Variants in CCDC57 observed in about 807,000 individuals in gnomAD.
CCDC57 encodes the protein coiled-coil domain-containing protein 57.
A neutral mutation model predicts 118.9 loss-of-function variants in CCDC57; 118 were observed. That is an observed-to-expected ratio of 0.99 (90% CI 0.86 to 1.16). The LOEUF is 1.16. CCDC57 is among the 50% of genes most tolerant of loss of function. The probability of loss-of-function intolerance (pLI) is 0.00; values close to 1 mark genes in which losing one functional copy is unlikely to be tolerated. For synonymous variants in CCDC57, 527 were observed against 532.9 expected, an observed-to-expected ratio of 0.99 and a Z score of 0.15; for missense variants, 1,300 against 1,320.7, an observed-to-expected ratio of 0.98 and a Z score of 0.24.
chr17:82,145,980 T>C (rs2040685130), intron 16 of CCDC57: 2 of 304,758 alleles, frequency 6.6e-6, no homozygotes, highest in South Asian at 4.9e-5. Flanking sequence ...ACAGGCTCTA[T>C]GCCTGAAAGC....
intron 16 of CCDC57, among the ~76,000 whole-genome samples, chr17:82,136,101 C>T (rs147477519): frequency 6.6e-6 from 1 of 152,150 alleles, no homozygotes; most frequent in African/African-American, 2.4e-5. Context: ...CCCACATGAC[C>T]CAGCAAGGCC....
At chr17:82,138,562 A>G (rs2039579326) in intron 16 of CCDC57, among the ~76,000 whole-genome samples, 1 of 151,760 alleles carries the variant, frequency 6.6e-6, no homozygotes, top group Admixed American at 6.6e-5. Context: ...AGTAAAAAGA[A>G]AAAAGATGTT....
intron 9 of CCDC57, among the ~76,000 whole-genome samples, chr17:82,179,396 G>T (rs2146406391): frequency 6.6e-6 from 1 of 152,364 alleles, no homozygotes; most frequent in African/African-American, 2.4e-5. Context: ...ATGCCCAGAT[G>T]CCGGAGAAAA....
chr17:82,193,966 T>G lies in CCDC57; in HGVS notation c.776+16A>C, dbSNP rs754612048. On this transcript the variant is annotated intron_variant, in intron 6 of 19. Transcript: ENST00000665763. ...CTGCCACAGAGCACGCCTCGGGAGATGAAGGACTCGCGCACCGGGCGCGGC... is the reference window on the plus strand; with the variant it reads ...CTGCCACAGAGCACGCCTCGGGAGAGGAAGGACTCGCGCACCGGGCGCGGC... 1.2e-6 allele frequency: 2 copies of G among 1,601,416 alleles called. No individual in the cohort carries two copies. The highest frequency in any genetic ancestry group is 1.7e-6 in the Non-Finnish European group (2 of 1,173,590).
chr17:82,199,763 G>A (rs1201221764), intron 3 of CCDC57, among the ~76,000 whole-genome samples: 1 of 152,128 alleles, frequency 6.6e-6, no homozygotes, highest in Non-Finnish European at 1.5e-5. Context: ...GGGGACGGGA[G>A]CTTCCAGACA....
intron 13 of CCDC57, 135 bp downstream of exon 12, chr17:82,171,566 G>T (rs2044740929): frequency 2.3e-6 from 2 of 856,938 alleles, no homozygotes; most frequent in Non-Finnish European, 3.5e-6. Flanking sequence ...AGCACAAGGG[G>T]CTGCTGGGCT....
At chr17:82,128,340 C>A (rs1005473163) in intron 18 of CCDC57, among the ~76,000 whole-genome samples, 153 bp downstream of exon 17, 2 of 152,188 alleles carry the variant, frequency 1.3e-5, no homozygotes, top group African/African-American at 4.8e-5. Flanking sequence ...CGCTCTGCAG[C>A]TCACCCTGCC....
intron 16 of CCDC57, among the ~76,000 whole-genome samples, chr17:82,145,049 G>A (rs1423698039): frequency 4.4e-5 from 6 of 135,172 alleles, no homozygotes; most frequent in Admixed American, 2.4e-4. Context: ...TTGAGACAGA[G>A]TCTCGCTCTG....
At chr17:82,186,759 T>A (rs1399708303) in intron 8 of CCDC57, among the ~76,000 whole-genome samples, 1 of 151,746 alleles carries the variant, frequency 6.6e-6, no homozygotes, top group Non-Finnish European at 1.5e-5. Context: ...TTAGGCAACA[T>A]GGAGAAACCT....
chr17:82,173,538 A>T (rs552973678), intron 11 of CCDC57, among the ~76,000 whole-genome samples: 1 of 152,204 alleles, frequency 6.6e-6, no homozygotes, highest in Non-Finnish European at 1.5e-5. Context: ...ACAAGGCCAG[A>T]CATGTTACAA....
intron 3 of CCDC57, among the ~76,000 whole-genome samples, chr17:82,199,302 AC>A (rs1417014881): frequency 6.6e-6 from 1 of 151,384 alleles, no homozygotes; most frequent in Non-Finnish European, 1.5e-5. Context: ...ACATGGTGAA[AC>A]CCCATCTCCA....
chr17:82,120,685 T>C (rs1212723165), intron 19 of CCDC57, among the ~76,000 whole-genome samples: 13 of 152,212 alleles, frequency 8.5e-5, no homozygotes. Context: ...CATGAACCAC[T>C]TTAGTCTTTT....
intron 19 of CCDC57, among the ~76,000 whole-genome samples, chr17:82,119,009 T>C (rs1385939386): frequency 6.7e-6 from 1 of 149,200 alleles, no homozygotes; most frequent in Non-Finnish European, 1.5e-5. Flanking sequence ...ACCCTGCCAA[T>C]TGCTGAATGG....
rs1391960343 is a variant in CCDC57, at chr17:82,198,305, A to G, written c.516+9T>C. On this transcript the variant is annotated intron_variant, in intron 4 of 19. Coordinates refer to ENST00000665763, the Ensembl canonical transcript of CCDC57. ...AGCACCCAGGAAGGGGCCGACCCAG[A>G]GGCTCTACCTGTCTCTGCAGAGCAA... The G allele has an allele frequency of 6.3e-7, 1 of 1,580,194 alleles. No individual in the cohort carries two copies. Among genetic ancestry groups the G allele is most frequent in the African/African-American group, 1.4e-5 (1 of 73,828 alleles).
intron 11 of CCDC57, among the ~76,000 whole-genome samples, chr17:82,176,120 C>T (rs1022125002): frequency 2.0e-5 from 3 of 152,146 alleles, no homozygotes; most frequent in Non-Finnish European, 4.4e-5. Flanking sequence ...CTTTGGAACA[C>T]CAAGCTCTGT....
In CCDC57 at chr17:82,172,962, C is replaced by A; in HGVS notation, c.1507-102G>T. ...CTCCCCGCGCCCCTCTCGGGCCGGT[C>A]CCCCGCTTCAGCTTGGGCTGTGGTC... On this transcript the variant is annotated intron_variant, in intron 11 of 19. Transcript: ENST00000665763. The surrounding 1 kb of genome is among the most constrained non-coding windows in gnomAD (Gnocchi z 5.2). 1.9e-6 allele frequency: 2 copies of A among 1,034,666 alleles called. No homozygotes were observed. Among genetic ancestry groups the A allele is most frequent in the East Asian group, 2.6e-5 (1 of 38,694 alleles). The allele number at this position is 1,034,666 out of a possible 1,614,324, so 64.1% of individuals were successfully genotyped here.
At chr17:82,201,239 T>C (rs1023128408) in intron 3 of CCDC57, among the ~76,000 whole-genome samples, 1 of 152,276 alleles carries the variant, frequency 6.6e-6, no homozygotes, top group Non-Finnish European at 1.5e-5. Context: ...TATAGATTTA[T>C]AATTAATGAA....
intron 13 of CCDC57, among the ~76,000 whole-genome samples, chr17:82,171,124 G>A (rs541192515): frequency 2.7e-5 from 4 of 147,042 alleles, no homozygotes; most frequent in African/African-American, 1.0e-4. Flanking sequence ...AACAGGGAGC[G>A]CTGACTGCAG....
chr17:82,145,790 G>A (rs1315222704), intron 16 of CCDC57: 5 of 465,886 alleles, frequency 1.1e-5, no homozygotes, highest in East Asian at 1.5e-4. Context: ...CCCTGGTCTC[G>A]GCCGGAACCC....
Sources: allele counts gnomAD v4.1 joint callset (sites outside exome capture counted in the v4.1 genomes callset), GRCh38; gene constraint gnomAD v4.1.1; non-coding constraint Gnocchi (gnomAD v3.1); transcripts MANE v1.5; gene names NCBI Gene and HGNC (gene_info 2026-07-23, HGNC 2026-07-21).